CUTC: variants seen among roughly 807,000 people sequenced by gnomAD.
The protein encoded by CUTC is copper homeostasis protein cutC homolog.
CUTC carries 27 observed loss-of-function variants against 36.2 expected under a neutral mutation model. That is an observed-to-expected ratio of 0.75 (90% CI 0.55 to 1.03). The LOEUF is 1.03. Ranked by LOEUF, CUTC falls within the 50% of genes least tolerant of loss-of-function variation. The pLI is 0.00. For synonymous variants in CUTC, 114 were observed against 118.3 expected (o/e 0.96, Z 0.24); for missense variants, 315 against 343.5 (o/e 0.92, Z 0.66).
intron 3 of CUTC, among the ~76,000 whole-genome samples, chr10:99,742,207 TTTATTA>T (rs920318252): frequency 6.6e-6 from 1 of 151,952 alleles, no homozygotes; most frequent in Non-Finnish European, 1.5e-5. Context: ...TGTCTGTTTT[TTTATTA>T]TTATTATTAT....
At chr10:99,751,422 C>A (rs1311824543) in intron 7 of CUTC, among the ~76,000 whole-genome samples, 4 of 152,152 alleles carry the variant, frequency 2.6e-5, no homozygotes, top group African/African-American at 9.7e-5. Flanking sequence ...GAACTCTTAG[C>A]CTCAAGCGAT....
intron 2 of CUTC, among the ~76,000 whole-genome samples, chr10:99,739,061 A>G (rs1386906702): frequency 1.6e-4 from 25 of 152,182 alleles, no homozygotes; most frequent in Admixed American, 1.6e-3. Flanking sequence ...TTTTAGAATA[A>G]TGAATTTGTT....
Position 99,732,685 on chromosome 10 carries a change from C to T in CUTC, c.61+276C>T. Reference sequence around the variant, plus strand: ...CCTTGTGCAAGTTGGTTAACTTCAGCTTCACGTTTTTTCCGTCGCCACACG... The same window carrying T: ...CCTTGTGCAAGTTGGTTAACTTCAGTTTCACGTTTTTTCCGTCGCCACACG... On this transcript the variant is annotated intron_variant, in intron 1 of 8. Transcript: ENST00000370476. 3.1e-6 allele frequency: 4 copies of T among 1,302,460 alleles called. No homozygotes were observed. The African/African-American group carries it at 4.6e-5, about 15-fold the overall frequency. 80.7% of individuals were successfully genotyped at this position (1,302,460 alleles called of 1,614,324 possible). A position where few individuals can be genotyped will look rare whatever the true frequency, so the allele number is the denominator to read the frequency against.
chr10:99,735,617 A>G (rs1205599548), intron 1 of CUTC, among the ~76,000 whole-genome samples: 1 of 152,234 alleles, frequency 6.6e-6, no homozygotes, highest in Non-Finnish European at 1.5e-5. Flanking sequence ...CATGTTGGCC[A>G]GGCTGATCTC....
intron 1 of CUTC, among the ~76,000 whole-genome samples, chr10:99,733,918 C>T (rs2037265428): frequency 6.6e-6 from 1 of 152,086 alleles, no homozygotes; most frequent in Admixed American, 6.6e-5. Flanking sequence ...GGCAAATAGT[C>T]CCCCGGCAGC....
At chr10:99,736,791 A>T (rs543140667) in intron 2 of CUTC, among the ~76,000 whole-genome samples, 1 of 152,330 alleles carries the variant, frequency 6.6e-6, no homozygotes, top group South Asian at 2.1e-4. Flanking sequence ...AAAGTAGAGC[A>T]AATAGGATAA....
intron 7 of CUTC, among the ~76,000 whole-genome samples, chr10:99,750,922 T>TAATGGCTAACTAGA (rs2037411175): frequency 6.6e-6 from 1 of 152,226 alleles, no homozygotes; most frequent in South Asian, 2.1e-4. Context: ...GTTAAGTTCA[T>TAATGGCTAACTAGA]AATGGCTAAC....
chr10:99,739,562 A>C, intron 2 of CUTC, 148 bp from the exon 3 acceptor site: 1 of 696,458 alleles, frequency 1.4e-6, no homozygotes, highest in Non-Finnish European at 2.4e-6. Context: ...TGAGTTAAAA[A>C]CAGAGTTTTA....
intron 6 of CUTC, 121 bp downstream of exon 6, chr10:99,747,511 C>A: frequency 9.3e-7 from 1 of 1,069,994 alleles, no homozygotes; most frequent in Non-Finnish European, 1.4e-6. Flanking sequence ...GTAGGAAAAG[C>A]AAGCAGGCAA....
rs955310810 is a variant in CUTC, at chr10:99,746,074, T to C, written c.440-1183T>C. On this transcript the variant is annotated intron_variant, in intron 5 of 8. Transcript: ENST00000370476. ...TGAAGCCTTAGAACAGTTTCCCAAA[T>C]TTGACTCACCTGCCTATCACATTTA... Among the ~76,000 whole-genome samples, 98 of 152,312 alleles carry C rather than the reference T, an allele frequency of 6.4e-4. 3 individuals carry two copies. The highest frequency in any genetic ancestry group is 3.4e-3 in the Middle Eastern group (1 of 294).
In CUTC at chr10:99,739,772, A is replaced by G. The variant is rs1221079792; in HGVS notation, c.193+3A>G. ...GGGGGGAACTACACCCAGCATGGGT[A>G]AGTGTCCATTTTTCCCAGGTTTTCT... is the stretch of plus-strand genomic sequence containing the variant. On this transcript the variant is annotated splice_donor_region_variant and intron_variant, in intron 3 of 8. Coordinates refer to ENST00000370476, the MANE Select transcript of CUTC (RefSeq NM_015960.3). The G allele has an allele frequency of 6.2e-7, 1 of 1,607,380 alleles. No homozygotes were observed. Among genetic ancestry groups the G allele is most frequent in the Admixed American group, 1.7e-5 (1 of 58,358 alleles).
intron 2 of CUTC, 51 bp downstream of exon 2, chr10:99,736,368 G>A (rs1259205913): frequency 7.4e-7 from 1 of 1,360,170 alleles, no homozygotes. Flanking sequence ...TTAAGAGTCT[G>A]AAAATTAATC....
intron 3 of CUTC, among the ~76,000 whole-genome samples, chr10:99,742,733 A>G (rs1305172596): frequency 6.6e-6 from 1 of 152,096 alleles, no homozygotes. Flanking sequence ...AGGTTTTGCT[A>G]AATGTCTTTG....
chr10:99,740,931 T>A (rs1287711764), intron 3 of CUTC, among the ~76,000 whole-genome samples: 1 of 152,174 alleles, frequency 6.6e-6, no homozygotes, highest in Non-Finnish European at 1.5e-5. Context: ...GAAATTTGAG[T>A]CTTTTTATGT....
At chr10:99,737,974 C>T (rs1048064986) in intron 2 of CUTC, among the ~76,000 whole-genome samples, 5 of 152,118 alleles carry the variant, frequency 3.3e-5, no homozygotes, top group African/African-American at 9.6e-5. Flanking sequence ...GGAGAAACCC[C>T]GTCTCTACTA....
In CUTC at chr10:99,732,395, C is replaced by G. The variant is rs1394541214; in HGVS notation, c.47C>G (p.Pro16Arg). The G allele has an allele frequency of 9.0e-6, 14 of 1,552,200 alleles. No individual in the cohort carries two copies. Among genetic ancestry groups the G allele is most frequent in the East Asian group, 7.3e-5 (3 of 41,056 alleles). The change falls in exon 1 of 9, where the codon CCG becomes CGG. Residue 16 changes from proline to arginine, a missense_variant. Coordinates refer to ENST00000370476, the MANE Select transcript of CUTC (RefSeq NM_015960.3). ...ASSERKRARI[P>R]SGKAGAANGF... The stretch of plus-strand genomic sequence containing the variant: ...TCTGAGCGAAAACGAGCGCGGATAC[C>G]GTCCGGGAAGGCCGGTGCGGAAGGT...
Position 99,754,551 on chromosome 10 carries a change from T to C in CUTC, c.624T>C (p.Asn208=). 6.2e-7 allele frequency: 1 copy of C among 1,613,070 alleles called. No homozygotes were observed. The highest frequency in any genetic ancestry group is 8.5e-7 in the Non-Finnish European group (1 of 1,179,234). Residue 208 remains asparagine, a synonymous_variant, in exon 8 of 9, where the codon AAT becomes AAC. Coordinates refer to ENST00000370476, the MANE Select transcript of CUTC (RefSeq NM_015960.3). The part of the protein sequence containing the change: ...VMPGGGITDR[N]LQRILEGSGA... ...CAGGAGGTGGTATAACAGACAGAAA[T>C]CTACAAAGGATCCTTGAGGGTTCAG...
Position 99,750,357 on chromosome 10 carries a change from T to C in CUTC, c.574-12T>C, listed in dbSNP as rs755493859. The stretch of plus-strand genomic sequence containing the variant: ...TATTAAAATTCACTTGTTTTTTTTT[T>C]TCTTTTTTCAGGCAAAAGGCAGGAT... On this transcript the variant is annotated splice_polypyrimidine_tract_variant and intron_variant, in intron 6 of 8. Coordinates refer to ENST00000370476, the MANE Select transcript of CUTC (RefSeq NM_015960.3). The C allele has an allele frequency of 6.3e-7, 1 of 1,583,270 alleles. No individual in the cohort carries two copies. Among genetic ancestry groups the C allele is most frequent in the African/African-American group, 1.4e-5 (1 of 73,330 alleles).
At chr10:99,751,651 A>G (rs923425640) in intron 7 of CUTC, among the ~76,000 whole-genome samples, 1 of 152,220 alleles carries the variant, frequency 6.6e-6, no homozygotes, top group African/African-American at 2.4e-5. Context: ...TGAGGTCAAG[A>G]GTTCGAGACC....
Sources: allele counts gnomAD v4.1 joint callset (sites outside exome capture counted in the v4.1 genomes callset), GRCh38; gene constraint gnomAD v4.1.1; transcripts MANE v1.5; gene names NCBI Gene and HGNC (gene_info 2026-07-23, HGNC 2026-07-21).